STXBP5L: variants seen among roughly 807,000 people sequenced by gnomAD.
The protein encoded by STXBP5L is syntaxin binding protein 5L, also known as syntaxin-binding protein 5-like.
Under a neutral mutation model 144.5 loss-of-function variants are expected in STXBP5L, and 65 were observed. That is an observed-to-expected ratio of 0.45 (90% CI 0.37 to 0.55). The LOEUF (loss-of-function observed/expected upper bound fraction) is 0.55. Among genes scored for constraint, STXBP5L ranks in the 20% least tolerant of loss-of-function variants. The probability of loss-of-function intolerance (pLI) is 0.00; values close to 1 mark genes in which losing one functional copy is unlikely to be tolerated. For synonymous variants in STXBP5L, 505 were observed against 469.6 expected (o/e 1.08, Z -0.97); for missense variants, 1,298 against 1,405.5 (o/e 0.92, Z 1.22).
At position 121,109,431 on chromosome 3, in the gene STXBP5L, G is replaced by T. The variant is rs546204419; in HGVS notation, c.471-5494G>T. Among the ~76,000 whole-genome samples, 18 of 152,172 alleles carry T rather than the reference G, an allele frequency of 1.2e-4. No homozygotes were observed. The East Asian group carries it at 3.5e-3, about 29-fold the overall frequency. ...AGAGATTCTAGTGTATTGTTTATTT[G>T]TTCTCATTGGTTTCACAGAACTTCT... is the stretch of plus-strand genomic sequence containing the variant. On this transcript the variant is annotated intron_variant, in intron 5 of 26. Coordinates refer to ENST00000471454, the MANE Select transcript of STXBP5L (RefSeq NM_001308330.2).
At chr3:121,398,636 C>G (rs2046794440) in intron 22 of STXBP5L, among the ~76,000 whole-genome samples, 1 of 152,122 alleles carries the variant, frequency 6.6e-6, no homozygotes, top group Non-Finnish European at 1.5e-5. Flanking sequence ...TTTAGTATGA[C>G]CATGCTTCCC....
intron 14 of STXBP5L, among the ~76,000 whole-genome samples, chr3:121,241,581 G>A (rs2049673851): frequency 6.6e-6 from 1 of 152,092 alleles, no homozygotes; most frequent in Non-Finnish European, 1.5e-5. Flanking sequence ...GAATCATGGT[G>A]GGTGAAACCC....
intron 5 of STXBP5L, among the ~76,000 whole-genome samples, chr3:121,107,904 A>G (rs577808759): frequency 6.6e-6 from 1 of 152,242 alleles, no homozygotes; most frequent in South Asian, 2.1e-4. Flanking sequence ...AGTGGTTTGT[A>G]GTTCTCCTTG....
intron 22 of STXBP5L, among the ~76,000 whole-genome samples, chr3:121,389,728 GA>G (rs1199864899): frequency 9.9e-5 from 15 of 152,132 alleles, no homozygotes; most frequent in African/African-American, 3.1e-4. Context: ...GTTCAAATTT[GA>G]ATTGCACTGT....
At chr3:121,260,687 A>T (rs1218970758) in intron 18 of STXBP5L, among the ~76,000 whole-genome samples, 1 of 152,112 alleles carries the variant, frequency 6.6e-6, no homozygotes, top group Non-Finnish European at 1.5e-5. Context: ...ATTTGGAATC[A>T]ACTTTTATCA....
intron 16 of STXBP5L, among the ~76,000 whole-genome samples, chr3:121,256,664 C>T (rs2050215431): frequency 6.6e-6 from 1 of 151,762 alleles, no homozygotes; most frequent in South Asian, 2.1e-4. Flanking sequence ...GTTTTTTATA[C>T]TAAAAGGCTT....
chr3:121,327,204 T>C (rs1371060509), intron 20 of STXBP5L, among the ~76,000 whole-genome samples: 1 of 152,156 alleles, frequency 6.6e-6, no homozygotes, highest in Non-Finnish European at 1.5e-5. Context: ...AGAAAGATGA[T>C]ACAGTCAAAA....
At chr3:121,376,882 T>A (rs2046199333) in intron 20 of STXBP5L, among the ~76,000 whole-genome samples, 1 of 152,226 alleles carries the variant, frequency 6.6e-6, no homozygotes, top group Non-Finnish European at 1.5e-5. Context: ...TTTCCATTTG[T>A]TTGTGTCCTC....
chr3:121,026,337 A>G (rs1199566089), intron 3 of STXBP5L, among the ~76,000 whole-genome samples: 14 of 152,006 alleles, frequency 9.2e-5, no homozygotes, highest in African/African-American at 2.7e-4. Context: ...CTTTAAAGTC[A>G]CCTACTAACA....
At chr3:121,271,917 C>T (rs899302940) in intron 18 of STXBP5L, among the ~76,000 whole-genome samples, 1 of 152,186 alleles carries the variant, frequency 6.6e-6, no homozygotes, top group African/African-American at 2.4e-5. Context: ...GCACATCTTA[C>T]TATGGTGGAA....
chr3:121,102,224 G>T (rs1025248789), intron 5 of STXBP5L, among the ~76,000 whole-genome samples: 1 of 151,926 alleles, frequency 6.6e-6, no homozygotes, highest in Non-Finnish European at 1.5e-5. Context: ...ATAAATTCAT[G>T]TGGAACCAAA....
rs116149544 is a variant in STXBP5L, at chr3:121,197,182, G to A, written c.878-8741G>A. 4.1e-3 allele frequency among the ~76,000 whole-genome samples: 620 copies of A among 152,032 alleles called. 2 individuals are homozygous for A. The highest frequency in any genetic ancestry group is 0.028 in the East Asian group (147 of 5,180). ...AGTATAGCCACTGAAGATTCCTTACGGCTGCTATTTCCATGTTATGTCCTT... is the reference window on the plus strand; with the variant it reads ...AGTATAGCCACTGAAGATTCCTTACAGCTGCTATTTCCATGTTATGTCCTT... On this transcript the variant is annotated intron_variant, in intron 9 of 26. Transcript: ENST00000471454.
intron 3 of STXBP5L, among the ~76,000 whole-genome samples, chr3:121,034,075 C>T (rs1183343009): frequency 6.6e-6 from 1 of 152,046 alleles, no homozygotes; most frequent in Non-Finnish European, 1.5e-5. Context: ...ATATGCCACT[C>T]TCTAGGTAGC....
chr3:120,983,461 G>C (rs1009565137), intron 3 of STXBP5L, among the ~76,000 whole-genome samples: 3 of 152,124 alleles, frequency 2.0e-5, no homozygotes, highest in Non-Finnish European at 4.4e-5. Context: ...CCTTGTGGCT[G>C]GGGCAGTGAT....
At chr3:121,361,089 T>C (rs2045699510) in intron 20 of STXBP5L, among the ~76,000 whole-genome samples, 1 of 152,198 alleles carries the variant, frequency 6.6e-6, no homozygotes, top group African/African-American at 2.4e-5. Flanking sequence ...AGGTTTTTCC[T>C]TCAGCACTTT....
At chr3:120,912,834 C>A (rs555989501) in intron 2 of STXBP5L, among the ~76,000 whole-genome samples, 4 of 152,016 alleles carry the variant, frequency 2.6e-5, no homozygotes, top group African/African-American at 7.2e-5. Flanking sequence ...AGAAGAGATT[C>A]CTGTTTACCT....
rs1420858540 is a variant in STXBP5L at position 121,372,783 on chromosome 3, A to G, written c.2177-5933A>G. 3.3e-5 allele frequency among the ~76,000 whole-genome samples: 5 copies of G among 152,222 alleles called. No homozygotes were observed. In the South Asian group the frequency reaches 8.3e-4, roughly 25 times the overall value. ...TTCCCCTGGCTGCATCTAGTCAGCCATCTTAGAGCAGGAATTCAATCTATG... is the reference window on the plus strand; with the variant it reads ...TTCCCCTGGCTGCATCTAGTCAGCCGTCTTAGAGCAGGAATTCAATCTATG... On this transcript the variant is annotated intron_variant, in intron 20 of 26. Coordinates refer to ENST00000471454, the MANE Select transcript of STXBP5L (RefSeq NM_001308330.2).
chr3:121,342,577 A>G (rs2044758987), intron 20 of STXBP5L, among the ~76,000 whole-genome samples: 1 of 139,746 alleles, frequency 7.2e-6, no homozygotes, highest in African/African-American at 2.7e-5. Context: ...AATTCCACCT[A>G]TGAGTGAGAA....
rs557487976 is a variant in STXBP5L, at chr3:121,065,445, G to T, written c.470+19910G>T. 2.2e-4 allele frequency among the ~76,000 whole-genome samples: 33 copies of T among 152,128 alleles called. No homozygotes were observed. In the South Asian group the frequency reaches 5.8e-3, roughly 27 times the overall value. On this transcript the variant is annotated intron_variant, in intron 5 of 26. Coordinates refer to ENST00000471454, the MANE Select transcript of STXBP5L (RefSeq NM_001308330.2). The stretch of plus-strand genomic sequence containing the variant: ...GTTGTTACCATATTACACTAGTTAG[G>T]ACCTTGTATTAACTATCTATTGCTA...
Sources: gnomAD v4.1 joint callset for allele counts (sites outside exome capture counted in the v4.1 genomes callset) on GRCh38, gnomAD v4.1.1 for gene constraint, MANE v1.5 for transcripts, NCBI Gene and HGNC (gene_info 2026-07-23, HGNC 2026-07-21) for gene names.